The following LAMA2 variants were observed in gnomAD, a reference collection of about 807,000 sequenced individuals.
LAMA2 encodes laminin subunit alpha-2.
A neutral mutation model predicts 364.8 loss-of-function variants in LAMA2; 269 were observed. That is an observed-to-expected ratio of 0.74 (90% CI 0.67 to 0.82). The LOEUF is 0.82. LAMA2 is among the 40% of genes least tolerant of loss of function. The pLI is 0.00. For missense variants in LAMA2, 3,807 were observed against 3,873.2 expected (o/e 0.98, Z 0.45); for synonymous variants, 1,379 against 1,370.6 (o/e 1.01, Z -0.14).
At position 129,300,716 on chromosome 6, in the gene LAMA2, T is replaced by C. The variant is rs771393538; in HGVS notation, c.3038-20T>C. The C allele has an allele frequency of 6.2e-7, 1 of 1,613,348 alleles. No homozygotes were observed. Among genetic ancestry groups the C allele is most frequent in the South Asian group, 1.1e-5 (1 of 91,068 alleles). On this transcript the variant is annotated intron_variant, in intron 21 of 64. Transcript: ENST00000421865. ...TTACTATTTTTCCCCTTCTTTGTTT[T>C]CCCTCTTATACCGGTGAAGCTTGTG...
intron 1 of LAMA2, among the ~76,000 whole-genome samples, chr6:128,954,106 G>A (rs1032958697): frequency 1.1e-4 from 16 of 152,058 alleles, no homozygotes; most frequent in Non-Finnish European, 2.1e-4. Flanking sequence ...TCGACCAGTG[G>A]ATTATCTACC....
intron 18 of LAMA2, among the ~76,000 whole-genome samples, chr6:129,282,806 A>G (rs1410275165): frequency 6.6e-6 from 1 of 152,032 alleles, no homozygotes; most frequent in Admixed American, 6.6e-5. Context: ...TTCCAAATCC[A>G]TCCCATTTTC....
intron 1 of LAMA2, among the ~76,000 whole-genome samples, chr6:128,932,805 C>T (rs1292116601): frequency 6.6e-6 from 1 of 152,138 alleles, no homozygotes; most frequent in Non-Finnish European, 1.5e-5. Context: ...ATACGTGTAT[C>T]ACCTCACATA....
intron 3 of LAMA2, among the ~76,000 whole-genome samples, chr6:129,096,389 A>T (rs1775188798): frequency 6.6e-6 from 1 of 152,248 alleles, no homozygotes; most frequent in Admixed American, 6.5e-5. Flanking sequence ...TGGAAAATAA[A>T]AGTCCTCCTC....
chr6:129,253,790 G>A lies in LAMA2; in HGVS notation c.2096+1495G>A, dbSNP rs561177709. On this transcript the variant is annotated intron_variant, in intron 14 of 64. Transcript: ENST00000421865. ...TGTTGGACAGTTTCAGTGTCTACCCGTCTTAAAATCACTGGTTTCATTTGC... is the reference window on the plus strand; with the variant it reads ...TGTTGGACAGTTTCAGTGTCTACCCATCTTAAAATCACTGGTTTCATTTGC... 8.5e-5 allele frequency among the ~76,000 whole-genome samples: 13 copies of A among 152,248 alleles called. No homozygotes were observed. The South Asian group carries it at 1.9e-3, about 22-fold the overall frequency.
intron 58 of LAMA2, among the ~76,000 whole-genome samples, chr6:129,494,602 T>C (rs1157462705): frequency 1.3e-5 from 2 of 152,218 alleles, no homozygotes; most frequent in Admixed American, 1.3e-4. Flanking sequence ...TTTACATTTA[T>C]TTATATTGCC....
At chr6:128,896,262 A>T (rs1004002030) in intron 1 of LAMA2, among the ~76,000 whole-genome samples, 2 of 152,008 alleles carry the variant, frequency 1.3e-5, no homozygotes, top group African/African-American at 4.8e-5. Flanking sequence ...TAAAAATTAG[A>T]CTGGCTTGGC....
Position 129,267,095 on chromosome 6 carries a change from C to T in LAMA2, c.2209-11C>T, listed in dbSNP as rs1787573047. ...TCTCCAAGACTGACTAAAGCCTTATCTTTCTCTCAGTCTTGTTGGCCTAGG... is the reference window on the plus strand; with the variant it reads ...TCTCCAAGACTGACTAAAGCCTTATTTTTCTCTCAGTCTTGTTGGCCTAGG... On this transcript the variant is annotated splice_polypyrimidine_tract_variant and intron_variant, in intron 15 of 64. Coordinates refer to ENST00000421865, the MANE Select transcript of LAMA2 (RefSeq NM_000426.4). 6.5e-7 allele frequency: 1 copy of T among 1,549,724 alleles called. No individual in the cohort carries two copies. Among genetic ancestry groups the T allele is most frequent in the African/African-American group, 1.4e-5 (1 of 73,670 alleles).
Position 129,499,904 on chromosome 6 carries a change from T to TTTTG in LAMA2, c.8245-2752_8245-2749dup, listed in dbSNP as rs1241993438. Among the ~76,000 whole-genome samples, 3 of 152,136 alleles carry TTTTG rather than the reference T, an allele frequency of 2.0e-5. No homozygotes were observed. The East Asian group carries it at 5.8e-4, about 29-fold the overall frequency. ...AGCTAATTTTTTATTTTTTTAATTT[T>TTTTG]TTTGTTGTTGTTGTTCTTTTGGAGA... On this transcript the variant is annotated intron_variant, in intron 58 of 64. Transcript: ENST00000421865.
chr6:129,165,512 C>A lies in LAMA2; in HGVS notation c.1207-64C>A, dbSNP rs187475772. 8.9e-3 allele frequency: 9,483 copies of A among 1,070,768 alleles called. 73 individuals are homozygous for A. Among genetic ancestry groups the A allele is most frequent in the Non-Finnish European group, 9.7e-3 (6,817 of 704,628 alleles). 66.3% of individuals were successfully genotyped at this position (1,070,768 alleles called of 1,614,324 possible). On this transcript the variant is annotated intron_variant, in intron 8 of 64. Coordinates refer to ENST00000421865, the MANE Select transcript of LAMA2 (RefSeq NM_000426.4). Reference sequence around the variant, plus strand: ...AAACTACTTTGTCTATAAAAGTTTGCTGAAGTGAAAAATATTGCTGTTTCT... The same window carrying A: ...AAACTACTTTGTCTATAAAAGTTTGATGAAGTGAAAAATATTGCTGTTTCT...
At chr6:129,099,128 T>A (rs1379116555) in intron 4 of LAMA2, among the ~76,000 whole-genome samples, 1 of 148,878 alleles carries the variant, frequency 6.7e-6, no homozygotes, top group East Asian at 2.0e-4. Flanking sequence ...TTTTTTTGTT[T>A]TTTTTTTTTT....
At position 129,505,271 on chromosome 6, in the gene LAMA2, CA is replaced by C. The variant is rs749162150; in HGVS notation, c.8625del (p.Ala2876ProfsTer27). ...DGASNRTISP[K>X]KADILDVVGM... ...GGGCTTCCAACAGAACCATCAGTCC[CA>C]AAAAAGCCGACATCCTGGATGTCGT... On this transcript the variant is annotated frameshift_variant, in exon 61 of 65. Coordinates refer to ENST00000421865, the MANE Select transcript of LAMA2 (RefSeq NM_000426.4). LOFTEE classifies it high-confidence loss of function. 1.2e-6 allele frequency: 2 copies of C among 1,613,538 alleles called. No homozygotes were observed. The highest frequency in any genetic ancestry group is 1.7e-5 in the Admixed American group (1 of 59,996).
At chr6:129,449,209 G>C (rs1426028992) in intron 45 of LAMA2, among the ~76,000 whole-genome samples, 1 of 152,196 alleles carries the variant, frequency 6.6e-6, no homozygotes, top group Non-Finnish European at 1.5e-5. Context: ...CTGGGCAATA[G>C]ATTACTGTCT....
At chr6:128,960,042 G>A (rs1285925372) in intron 1 of LAMA2, among the ~76,000 whole-genome samples, 4 of 152,130 alleles carry the variant, frequency 2.6e-5, no homozygotes, top group Non-Finnish European at 5.9e-5. Context: ...CATTGAAGTT[G>A]AAGAGTCTTG....
chr6:129,198,719 C>G (rs1781996630), intron 12 of LAMA2, among the ~76,000 whole-genome samples: 1 of 151,650 alleles, frequency 6.6e-6, no homozygotes, highest in African/African-American at 2.4e-5. Context: ...AGAAAATAAA[C>G]AAATTAAGAG....
intron 3 of LAMA2, among the ~76,000 whole-genome samples, chr6:129,078,864 G>C (rs1364638679): frequency 1.3e-5 from 2 of 152,006 alleles, no homozygotes; most frequent in Non-Finnish European, 2.9e-5. Context: ...GATCATTCTG[G>C]GCACGTCATA....
chr6:129,366,422 T>C (rs547524715), intron 33 of LAMA2, 61 bp downstream of exon 33: 5 of 1,579,054 alleles, frequency 3.2e-6, no homozygotes, highest in Non-Finnish European at 3.5e-6. Flanking sequence ...TCACAAGCGG[T>C]ATTGGCTGTA....
At chr6:128,972,104 G>A (rs185452471) in intron 1 of LAMA2, among the ~76,000 whole-genome samples, 1 of 152,292 alleles carries the variant, frequency 6.6e-6, no homozygotes, top group Non-Finnish European at 1.5e-5. Context: ...CAGCCTGTTG[G>A]AAAGTATTCA....
intron 5 of LAMA2, among the ~76,000 whole-genome samples, chr6:129,144,745 G>A (rs1778330434): frequency 6.6e-6 from 1 of 151,926 alleles, no homozygotes; most frequent in East Asian, 1.9e-4. Flanking sequence ...GGAGAAAACT[G>A]ATTCTACATA....
Sources: allele counts gnomAD v4.1 joint callset (sites outside exome capture counted in the v4.1 genomes callset), GRCh38; gene constraint gnomAD v4.1.1; transcripts MANE v1.5; gene names NCBI Gene and HGNC (gene_info 2026-07-23, HGNC 2026-07-21).